NR4A3: variants seen among roughly 807,000 people sequenced by gnomAD.
NR4A3 encodes the protein nuclear receptor subfamily 4 group A member 3.
A neutral mutation model predicts 55.6 loss-of-function variants in NR4A3; 13 were observed. The ratio of observed to expected loss-of-function variants is 0.23; its 90% CI spans 0.15 to 0.37. NR4A3 has a LOEUF of 0.37. Ranked by LOEUF, NR4A3 falls within the 10% of genes least tolerant of loss-of-function variation. The probability of loss-of-function intolerance (pLI) is 1.00; values close to 1 mark genes in which losing one functional copy is unlikely to be tolerated. For synonymous variants in NR4A3, 342 were observed against 357.9 expected, an observed-to-expected ratio of 0.96 and a Z score of 0.50; for missense variants, 646 against 822.8, an observed-to-expected ratio of 0.79 and a Z score of 2.63.
rs796941417 is a variant in NR4A3, at chr9:99,833,432, C to T, written c.1232C>T (p.Pro411Leu). Residue 411 changes from proline (P) to leucine (L), a missense_variant, in exon 5 of 8, where the codon CCC (proline) becomes CTC (leucine). Around this residue, in one of 5 missense-constraint regions of NR4A3, gnomAD observed 163 missense variants for 233.0 expected, o/e 0.70. Transcript: ENST00000395097. ...GTCCGAGCTTTAACAGACTCAACAC[C>T]CAGAGATCTTGATTATTCCAGAGTA... ...ALVRALTDST[P>L]RDLDYSRYCP... is the part of the protein sequence containing the mutation. The T allele has an allele frequency of 6.2e-6, 10 of 1,614,024 alleles. No homozygotes were observed. In the East Asian group the frequency reaches 2.0e-4, roughly 32 times the overall value.
chr9:99,849,631 G>A (rs906187623), intron 7 of NR4A3, among the ~76,000 whole-genome samples: 1 of 152,158 alleles, frequency 6.6e-6, no homozygotes, highest in Non-Finnish European at 1.5e-5. Flanking sequence ...AAACTAGAAA[G>A]TATGGAGTTT....
chr9:99,826,376 C>T (rs1827295266), intron 2 of NR4A3, among the ~76,000 whole-genome samples: 1 of 152,188 alleles, frequency 6.6e-6, no homozygotes, highest in South Asian at 2.1e-4. Flanking sequence ...ATACTAGGTG[C>T]CAAGCCTGTG....
At chr9:99,837,923 G>T (rs1314574559) in intron 5 of NR4A3, among the ~76,000 whole-genome samples, 1 of 152,176 alleles carries the variant, frequency 6.6e-6, no homozygotes, top group Admixed American at 6.5e-5. Flanking sequence ...GAGGGGTTTT[G>T]TTCCAAGTCA....
rs148032424 is a variant in NR4A3, at chr9:99,825,320, T to G, written c.-176-339T>G. Among the ~76,000 whole-genome samples the G allele has an allele frequency of 6.6e-6, 1 of 152,080 alleles. No individual in the cohort carries two copies. The highest frequency in any genetic ancestry group is 1.9e-4 in the East Asian group (1 of 5,164). ...GCTTTCTTTGGTTTTCCTGACTTCGTAAGCTCGGAATCAATTGTGGGGGCA... is the reference window on the plus strand; with the variant it reads ...GCTTTCTTTGGTTTTCCTGACTTCGGAAGCTCGGAATCAATTGTGGGGGCA... On this transcript the variant is annotated intron_variant, in intron 1 of 7. Transcript: ENST00000395097. The surrounding 1 kb of genome is among the most constrained non-coding windows in gnomAD (Gnocchi z 5.0).
At chr9:99,860,018 C>T (rs142512085) in intron 7 of NR4A3, among the ~76,000 whole-genome samples, 32 of 152,220 alleles carry the variant, frequency 2.1e-4, no homozygotes, top group Non-Finnish European at 3.2e-4. Flanking sequence ...AAATCCATCT[C>T]GTTCTATTTT....
chr9:99,862,470 G>A (rs560383807), intron 7 of NR4A3, among the ~76,000 whole-genome samples: 6 of 148,570 alleles, frequency 4.0e-5, no homozygotes, highest in Non-Finnish European at 7.4e-5. Context: ...GCTTGAATCG[G>A]GGTGGAGGAA....
chr9:99,830,999 C>A (rs1285330189), intron 3 of NR4A3, among the ~76,000 whole-genome samples: 2 of 152,306 alleles, frequency 1.3e-5, no homozygotes, highest in East Asian at 1.9e-4. Context: ...AATCACCCCA[C>A]AGAACTGTTA....
In NR4A3 at chr9:99,865,926, T is replaced by A. The variant is rs551464033; in HGVS notation, c.*2059T>A. The A allele has an allele frequency of 4.6e-6, 1 of 218,716 alleles. No homozygotes were observed. The highest frequency in any genetic ancestry group is 1.9e-4 in the South Asian group (1 of 5,390). 13.5% of individuals were successfully genotyped at this position (218,716 alleles called of 1,614,324 possible). The stretch of plus-strand genomic sequence containing the variant: ...AACTAGTCCAACCCCTTAAAATTCA[T>A]AGAGGAGCAAACTGGGGCCCATTGA... On this transcript the variant is annotated 3_prime_UTR_variant, in exon 8 of 8. Coordinates refer to ENST00000395097, the MANE Select transcript of NR4A3 (RefSeq NM_006981.4). The surrounding 1 kb of genome is among the most constrained non-coding windows in gnomAD (Gnocchi z 4.3).
At position 99,865,303 on chromosome 9, in the gene NR4A3, T is replaced by A. The variant is rs1828077166; in HGVS notation, c.*1436T>A. 6.3e-6 allele frequency: 1 copy of A among 159,448 alleles called. No homozygotes were observed. The highest frequency in any genetic ancestry group is 6.6e-5 in the Admixed American group (1 of 15,248). The allele number at this position is 159,448 out of a possible 1,614,324, so 9.9% of individuals were successfully genotyped here. On this transcript the variant is annotated 3_prime_UTR_variant, in exon 8 of 8. Coordinates refer to ENST00000395097, the MANE Select transcript of NR4A3 (RefSeq NM_006981.4). The surrounding 1 kb of genome is among the most constrained non-coding windows in gnomAD (Gnocchi z 4.3). ...ACCAATTAGAAATTAAATAAGCAAA[T>A]ATATATATATATATAAATATAGCAG...
chr9:99,866,386 T>A lies in NR4A3; in HGVS notation c.*2519T>A, dbSNP rs993104965. ...CTTTTTATTTTTACACCCATCAGAT[T>A]TAAGGAAAAGACTTTTTAGCCATTA... On this transcript the variant is annotated 3_prime_UTR_variant, in exon 8 of 8. Coordinates refer to ENST00000395097, the MANE Select transcript of NR4A3 (RefSeq NM_006981.4). 4.5e-6 allele frequency: 1 copy of A among 223,130 alleles called. No homozygotes were observed. Among genetic ancestry groups the A allele is most frequent in the South Asian group, 1.8e-4 (1 of 5,424 alleles). 13.8% of individuals were successfully genotyped at this position (223,130 alleles called of 1,614,324 possible). A position where few individuals can be genotyped will look rare whatever the true frequency, so the allele number is the denominator to read the frequency against.
chr9:99,835,482 TCTC>T lies in NR4A3; in HGVS notation c.1254+2033_1254+2035del, dbSNP rs145879700. Among the ~76,000 whole-genome samples the T allele has an allele frequency of 2.8e-3, 431 of 152,232 alleles. 2 individuals carry two copies. The highest frequency in any genetic ancestry group is 9.8e-3 in the African/African-American group (407 of 41,520). ...AGAAAAGTATTCAGGAATGAAGAGT[TCTC>T]CTCCCAGAAGCACCCTGGCCTCTCC... On this transcript the variant is annotated intron_variant, in intron 5 of 7. Coordinates refer to ENST00000395097, the MANE Select transcript of NR4A3 (RefSeq NM_006981.4).
chr9:99,847,352 G>C (rs968911916), intron 6 of NR4A3, 85 bp from the exon 7 acceptor site: 15 of 1,317,702 alleles, frequency 1.1e-5, no homozygotes, highest in African/African-American at 2.9e-5. Flanking sequence ...CCCCATGGCT[G>C]TCTGTGTGCC....
rs553000273 is a variant in NR4A3, at chr9:99,862,197, G to A, written c.1634-1423G>A. 2.6e-5 allele frequency among the ~76,000 whole-genome samples: 4 copies of A among 152,170 alleles called. No individual in the cohort carries two copies. The East Asian group carries it at 5.8e-4, about 22-fold the overall frequency. On this transcript the variant is annotated intron_variant, in intron 7 of 7. Coordinates refer to ENST00000395097, the MANE Select transcript of NR4A3 (RefSeq NM_006981.4). ...AAGAATTATGATTTTACATGTAAATGTACTGAGAGAAGAAAATTTCGAGAT... is the reference window on the plus strand; with the variant it reads ...AAGAATTATGATTTTACATGTAAATATACTGAGAGAAGAAAATTTCGAGAT...
In NR4A3 at chr9:99,865,299, C is replaced by A; in HGVS notation, c.*1432C>A. On this transcript the variant is annotated 3_prime_UTR_variant, in exon 8 of 8. Coordinates refer to ENST00000395097, the MANE Select transcript of NR4A3 (RefSeq NM_006981.4). This position sits in a 1 kb window ranked among gnomAD's most constrained non-coding sequence, Gnocchi z 4.3. ...ATACACCAATTAGAAATTAAATAAG[C>A]AAATATATATATATATATAAATATA... 6.7e-6 allele frequency: 1 copy of A among 148,558 alleles called. No individual in the cohort carries two copies. Among genetic ancestry groups the A allele is most frequent in the Non-Finnish European group, 1.5e-5 (1 of 66,892 alleles). 9.2% of individuals were successfully genotyped at this position (148,558 alleles called of 1,614,324 possible).
At chr9:99,833,556 T>A in intron 5 of NR4A3, 102 bp downstream of exon 5, 1 of 1,610,750 alleles carries the variant, frequency 6.2e-7, no homozygotes, top group East Asian at 2.2e-5. Context: ...TGGCACCATG[T>A]TAGACAGTTT....
At chr9:99,831,209 C>G (rs1160050173) in intron 3 of NR4A3, among the ~76,000 whole-genome samples, 1 of 152,194 alleles carries the variant, frequency 6.6e-6, no homozygotes, top group East Asian at 1.9e-4. Flanking sequence ...GCCATCAGCA[C>G]TCAAATTGGC....
Position 99,861,375 on chromosome 9 carries a change from C to T in NR4A3, c.1634-2245C>T, listed in dbSNP as rs150058837. 5.1e-3 allele frequency among the ~76,000 whole-genome samples: 769 copies of T among 152,262 alleles called. 11 individuals are homozygous for T. The highest frequency in any genetic ancestry group is 0.018 in the African/African-American group (730 of 41,546). ...TCTCTACTAAAAATACAAAAATTAG[C>T]CAGGTGTGGTGGCACACACTTGTAA... On this transcript the variant is annotated intron_variant, in intron 7 of 7. Coordinates refer to ENST00000395097, the MANE Select transcript of NR4A3 (RefSeq NM_006981.4).
intron 3 of NR4A3, among the ~76,000 whole-genome samples, chr9:99,829,883 T>C (rs1827406169): frequency 6.6e-6 from 1 of 152,196 alleles, no homozygotes; most frequent in Admixed American, 6.5e-5. Flanking sequence ...GGTGAAGCCT[T>C]ATGCAGGCTG....
rs772510671 is a variant in NR4A3, at chr9:99,828,842, C to G, written c.800C>G (p.Ala267Gly). ...PPLGLTPSPT[A>G]SSLLGESPSL... ...CTCGGCCTCACGCCCTCCCCTACCG[C>G]GTCCAGCCTGCTGGGCGAGAGTCCC... Residue 267 changes from alanine (A) to glycine (G), a missense_variant, in exon 3 of 8, where the codon GCG (alanine) becomes GGG (glycine). Physicochemically the swap from Ala to Gly is moderately conservative, Grantham distance 60. Transcript: ENST00000395097. The surrounding 1 kb of genome is among the most constrained non-coding windows in gnomAD (Gnocchi z 7.7). 6.7e-7 allele frequency: 1 copy of G among 1,494,330 alleles called. No individual in the cohort carries two copies. Among genetic ancestry groups the G allele is most frequent in the South Asian group, 1.2e-5 (1 of 80,776 alleles). 92.6% of individuals were successfully genotyped at this position (1,494,330 alleles called of 1,614,324 possible).
Sources: gnomAD v4.1 joint callset for allele counts (sites outside exome capture counted in the v4.1 genomes callset) on GRCh38, gnomAD v4.1.1 for gene constraint, gnomAD v4.1.1 regional missense constraint, Gnocchi (gnomAD v3.1) non-coding constraint, MANE v1.5 for transcripts, NCBI Gene and HGNC (gene_info 2026-07-23, HGNC 2026-07-21) for gene names.